CHD2: variants seen among roughly 807,000 people sequenced by gnomAD.
The protein encoded by CHD2 is chromodomain helicase DNA binding protein 2.
CHD2 carries 28 observed loss-of-function variants against 243.9 expected under a neutral mutation model. The ratio of observed to expected loss-of-function variants is 0.11; its 90% CI spans 0.09 to 0.16. CHD2 has a LOEUF of 0.16. Among genes scored for constraint, CHD2 ranks in the 10% least tolerant of loss-of-function variants. CHD2 has a pLI of 1.00. For missense variants in CHD2, 1,386 were observed against 2,209.8 expected (o/e 0.63, Z 7.47); for synonymous variants, 775 against 779.0 (o/e 0.99, Z 0.09).
chr15:92,909,980 G>A (rs2052700039), intron 2 of CHD2, among the ~76,000 whole-genome samples: 1 of 150,160 alleles, frequency 6.7e-6, no homozygotes, highest in African/African-American at 2.5e-5. Flanking sequence ...ATGTATATAT[G>A]TATATATATA....
Position 92,946,151 on chromosome 15 carries a change from C to T in CHD2, c.1312C>T (p.Gln438Ter). 6.2e-7 allele frequency: 1 copy of T among 1,613,554 alleles called. No individual in the cohort carries two copies. The highest frequency in any genetic ancestry group is 8.5e-7 in the Non-Finnish European group (1 of 1,179,700). Reference sequence around the variant, plus strand: ...TGAAGCCCTCATTGGAAAGAAATTCCAGAATTGCATTGACAGCTTCCACAG... The same window carrying T: ...TGAAGCCCTCATTGGAAAGAAATTCTAGAATTGCATTGACAGCTTCCACAG... ...EDEALIGKKF[Q>*]NCIDSFHSRN... The change falls in exon 12 of 39, where the codon CAG becomes TAG. Residue 438 changes from glutamine to a stop codon, truncating the protein, a stop_gained. Coordinates refer to ENST00000394196, the MANE Select transcript of CHD2 (RefSeq NM_001271.4). LOFTEE classifies it high-confidence loss of function.
In CHD2 at chr15:93,026,779, T is replaced by G. The variant is rs1205558987; in HGVS notation, c.*2074T>G. 3 of 152,272 alleles carry G rather than the reference T, an allele frequency of 2.0e-5. No individual in the cohort carries two copies. The highest frequency in any genetic ancestry group is 4.4e-5 in the Non-Finnish European group (3 of 68,082). 9.4% of individuals were successfully genotyped at this position (152,272 alleles called of 1,614,324 possible). ...CAAAGAGGAAGGTTAGGTTGGCTTG[T>G]CGAGCCCTTGAGCGTTGGGAGATGG... On this transcript the variant is annotated 3_prime_UTR_variant, in exon 39 of 39. Coordinates refer to ENST00000394196, the MANE Select transcript of CHD2 (RefSeq NM_001271.4).
chr15:93,022,601 C>G lies in CHD2; in HGVS notation c.5154-1771C>G, dbSNP rs145082797. Among the ~76,000 whole-genome samples, 15 of 152,268 alleles carry G rather than the reference C, an allele frequency of 9.9e-5. No homozygotes were observed. The East Asian group carries it at 2.9e-3, about 29-fold the overall frequency. ...CTTTCCCTGGCCTTGGGTAGTTTCCCCACATGCACATCCTAAGCAGTATTC... is the reference window on the plus strand; with the variant it reads ...CTTTCCCTGGCCTTGGGTAGTTTCCGCACATGCACATCCTAAGCAGTATTC... On this transcript the variant is annotated intron_variant, in intron 38 of 38. Transcript: ENST00000394196.
At chr15:92,906,512 C>G (rs1042033720) in intron 2 of CHD2, among the ~76,000 whole-genome samples, 9 of 152,102 alleles carry the variant, frequency 5.9e-5, no homozygotes, top group African/African-American at 2.2e-4. Flanking sequence ...AATAAAACAA[C>G]TGACAGTTAT....
At chr15:93,006,020 C>T (rs1254082379) in intron 34 of CHD2, among the ~76,000 whole-genome samples, 1 of 151,890 alleles carries the variant, frequency 6.6e-6, no homozygotes, top group Non-Finnish European at 1.5e-5. Flanking sequence ...GATAAATATA[C>T]CATGAAGTTT....
At chr15:92,966,511 A>T (rs908913881) in intron 16 of CHD2, among the ~76,000 whole-genome samples, 1 of 152,148 alleles carries the variant, frequency 6.6e-6, no homozygotes. Context: ...TTTAATGACG[A>T]CTTTAGATGT....
At chr15:92,993,373 T>C (rs1567155973) in intron 28 of CHD2, 1 of 173,418 alleles carries the variant, frequency 5.8e-6, no homozygotes, top group Non-Finnish European at 1.2e-5. Flanking sequence ...GGATATATAT[T>C]GTGCGTTATG....
intron 37 of CHD2, 63 bp downstream of exon 37, chr15:93,014,972 T>G: frequency 7.3e-7 from 1 of 1,361,064 alleles, no homozygotes; most frequent in Non-Finnish European, 1.0e-6. Context: ...CACAGCCGTT[T>G]CATTTTCCAA....
intron 32 of CHD2, 43 bp from the exon 33 acceptor site, chr15:93,002,134 T>C (rs201121165): frequency 2.4e-4 from 381 of 1,567,034 alleles, no homozygotes; most frequent in Non-Finnish European, 3.0e-4. Context: ...TAAGTAGATA[T>C]AAAATTTGTA....
At chr15:92,999,947 A>G (rs1447560025) in intron 31 of CHD2, among the ~76,000 whole-genome samples, 1 of 152,120 alleles carries the variant, frequency 6.6e-6, no homozygotes, top group Admixed American at 6.5e-5. Flanking sequence ...AAAGATGTGG[A>G]ATCAGTAGGT....
chr15:92,995,623 T>C (rs2054177697), intron 28 of CHD2, among the ~76,000 whole-genome samples: 1 of 152,192 alleles, frequency 6.6e-6, no homozygotes, highest in African/African-American at 2.4e-5. Flanking sequence ...TATTCTACCA[T>C]GTAGATAGAT....
rs775901148 is a variant in CHD2, at chr15:93,002,267, G to T, written c.4228G>T (p.Asp1410Tyr). Residue 1410 changes from aspartate to tyrosine, a missense_variant, in exon 33 of 39, where the codon GAC becomes TAC. Asp to Tyr is a radical substitution (Grantham distance 160). Transcript: ENST00000394196. ...GGAGAAACAAATGAGTTCTAGGAAA[G>T]ACAAAGAAGGGGACAAGGAAAGAAA... ...NKEKQMSSRK[D>Y]KEGDKERKKS... 1.9e-5 allele frequency: 31 copies of T among 1,601,758 alleles called. No homozygotes were observed. The highest frequency in any genetic ancestry group is 2.6e-5 in the Non-Finnish European group (31 of 1,174,440).
Position 92,998,361 on chromosome 15 carries a change from A to G in CHD2, c.3886-138A>G. The G allele has an allele frequency of 7.1e-7, 1 of 1,414,508 alleles. No homozygotes were observed. Among genetic ancestry groups the G allele is most frequent in the Non-Finnish European group, 9.5e-7 (1 of 1,052,070 alleles). The allele number at this position is 1,414,508 out of a possible 1,614,324, so 87.6% of individuals were successfully genotyped here. ...TGACTGGGAGCCATGGACATGAGAT[A>G]GGATCTGAGGCTTTATCTATATTTT... On this transcript the variant is annotated intron_variant, in intron 30 of 38. Coordinates refer to ENST00000394196, the MANE Select transcript of CHD2 (RefSeq NM_001271.4). The surrounding 1 kb of genome is among the most constrained non-coding windows in gnomAD (Gnocchi z 5.1).
chr15:93,001,382 T>A (rs1173644027), intron 32 of CHD2, among the ~76,000 whole-genome samples: 1 of 152,236 alleles, frequency 6.6e-6, no homozygotes, highest in East Asian at 1.9e-4. Flanking sequence ...TGGTATCATT[T>A]AGTGTGCTAT....
intron 14 of CHD2, chr15:92,954,310 T>C (rs1488971925): frequency 6.6e-6 from 1 of 152,250 alleles, no homozygotes; most frequent in African/African-American, 2.4e-5. Flanking sequence ...CGAGCAAGAA[T>C]GTGGCAGAGC....
intron 3 of CHD2, among the ~76,000 whole-genome samples, chr15:92,926,377 C>A (rs2053062074): frequency 1.3e-5 from 2 of 152,198 alleles, no homozygotes; most frequent in Non-Finnish European, 2.9e-5. Context: ...AATTTGATAA[C>A]CCATATTTCT....
chr15:92,981,267 G>T (rs2053976766), intron 23 of CHD2, 98 bp from the exon 24 acceptor site: 1 of 781,306 alleles, frequency 1.3e-6, no homozygotes, highest in Admixed American at 2.3e-5. Context: ...TGGTTTATTT[G>T]CACCAAACAT....
rs2054299618 is a variant in CHD2 at position 93,004,805 on chromosome 15, G to A, written c.4413+54G>A. Reference sequence around the variant, plus strand: ...GTCTGCAGCCGCGGTACTTGCTGTGGCTCTGCCTTTTATAGGTCCAGCCAG... The same window carrying A: ...GTCTGCAGCCGCGGTACTTGCTGTGACTCTGCCTTTTATAGGTCCAGCCAG... On this transcript the variant is annotated intron_variant, in intron 34 of 38. Transcript: ENST00000394196. 1.9e-6 allele frequency: 3 copies of A among 1,582,434 alleles called. No individual in the cohort carries two copies. In the South Asian group the frequency reaches 3.5e-5, roughly 18 times the overall value.
intron 17 of CHD2, 54 bp downstream of exon 17, chr15:92,967,567 T>A: frequency 7.4e-7 from 1 of 1,349,422 alleles, no homozygotes; most frequent in Non-Finnish European, 1.0e-6. Flanking sequence ...ACCATGAAAC[T>A]ATTAGATAGG....
Sources: gnomAD v4.1 joint callset for allele counts (sites outside exome capture counted in the v4.1 genomes callset) on GRCh38, gnomAD v4.1.1 for gene constraint, Gnocchi (gnomAD v3.1) non-coding constraint, MANE v1.5 for transcripts, NCBI Gene and HGNC (gene_info 2026-07-23, HGNC 2026-07-21) for gene names.